Variants in PTPRD observed in about 807,000 individuals in gnomAD.
PTPRD encodes protein tyrosine phosphatase receptor type D.
In PTPRD, 34 loss-of-function variants were observed where a neutral mutation model predicts 214.5. The ratio of observed to expected loss-of-function variants is 0.16; its 90% CI spans 0.12 to 0.21. The LOEUF (loss-of-function observed/expected upper bound fraction) is 0.21. Ranked by LOEUF, PTPRD falls within the 10% of genes least tolerant of loss-of-function variation. The pLI is 1.00. For missense variants in PTPRD, 2,545 were observed against 2,398.7 expected (o/e 1.06, Z -1.27); for synonymous variants, 1,128 against 845.7 (o/e 1.33, Z -5.79).
At chr9:8,335,882 C>T (rs745616857) in intron 43 of PTPRD, among the ~76,000 whole-genome samples, 5 of 152,100 alleles carry the variant, frequency 3.3e-5, no homozygotes, top group Non-Finnish European at 5.9e-5. Context: ...TTCACAATTG[C>T]TTCAAAGAGA....
At chr9:9,429,590 A>C (rs1323861444) in intron 8 of PTPRD, among the ~76,000 whole-genome samples, 2 of 152,068 alleles carry the variant, frequency 1.3e-5, no homozygotes, top group African/African-American at 2.4e-5. Flanking sequence ...CTGGCAGAGA[A>C]AAAACAAAAA....
intron 2 of PTPRD, among the ~76,000 whole-genome samples, chr9:10,494,112 C>T (rs2041261554): frequency 6.6e-6 from 1 of 151,880 alleles, no homozygotes; most frequent in Admixed American, 6.6e-5. Flanking sequence ...GTGATTTATA[C>T]CTCCAACTCC....
At chr9:9,924,393 G>C (rs921137005) in intron 5 of PTPRD, among the ~76,000 whole-genome samples, 1 of 151,946 alleles carries the variant, frequency 6.6e-6, no homozygotes, top group South Asian at 2.1e-4. Context: ...CCATTATTCT[G>C]TTGCTGTTAT....
chr9:10,024,047 G>C (rs986593593), intron 4 of PTPRD, among the ~76,000 whole-genome samples: 3 of 151,884 alleles, frequency 2.0e-5, no homozygotes, highest in African/African-American at 7.3e-5. Context: ...ATTAACACTA[G>C]ATATATTTTC....
chr9:9,306,426 G>C (rs933238010), intron 9 of PTPRD, among the ~76,000 whole-genome samples: 7 of 150,704 alleles, frequency 4.6e-5, no homozygotes, highest in African/African-American at 1.5e-4. Context: ...AGCTGGGTGG[G>C]GTGTGGTCAC....
intron 11 of PTPRD, among the ~76,000 whole-genome samples, chr9:8,997,138 G>T (rs1396571505): frequency 6.6e-6 from 1 of 151,984 alleles, no homozygotes; most frequent in African/African-American, 2.4e-5. Context: ...GACAAACTGT[G>T]ACTAGCAAAT....
chr9:9,998,127 A>ATATATATATATATATATATATATATAT (rs1231969776), intron 4 of PTPRD, among the ~76,000 whole-genome samples: 14 of 55,170 alleles, frequency 2.5e-4, no homozygotes, highest in African/African-American at 9.4e-4. Flanking sequence ...AAAAAAAAAA[A>ATATATATATATATATATATATATATAT]AAATATATAT....
At chr9:10,218,016 C>A (rs902816432) in intron 3 of PTPRD, among the ~76,000 whole-genome samples, 10 of 151,686 alleles carry the variant, frequency 6.6e-5, no homozygotes, top group Admixed American at 5.9e-4. Flanking sequence ...GGGGTTAATT[C>A]TATTTTTCTG....
chr9:9,955,546 C>T (rs543224654), intron 4 of PTPRD, among the ~76,000 whole-genome samples: 26 of 143,094 alleles, frequency 1.8e-4, no homozygotes, highest in African/African-American at 6.8e-4. Flanking sequence ...TTTTTTGAGA[C>T]AGAGTCTCGC....
intron 2 of PTPRD, among the ~76,000 whole-genome samples, chr9:10,496,166 T>C (rs894618128): frequency 2.0e-5 from 3 of 151,848 alleles, no homozygotes; most frequent in African/African-American, 7.2e-5. Context: ...ATGGCTATAA[T>C]ATAAAAAATG....
At position 8,864,321 on chromosome 9, in the gene PTPRD, C is replaced by T. The variant is rs35964761; in HGVS notation, c.-103-130375G>A. Among the ~76,000 whole-genome samples, 547 of 152,320 alleles carry T rather than the reference C, an allele frequency of 3.6e-3. 5 individuals carry two copies. The highest frequency in any genetic ancestry group is 6.8e-3 in the Middle Eastern group (2 of 294). On this transcript the variant is annotated intron_variant, in intron 11 of 45. Transcript: ENST00000381196. ...TCATTTGCACAAGCCTGACTCTTAT[C>T]TCTCAAGACTCGGACATGCTTCAGG... is the stretch of plus-strand genomic sequence containing the variant.
intron 7 of PTPRD, among the ~76,000 whole-genome samples, chr9:9,700,833 G>C (rs752985429): frequency 6.6e-6 from 1 of 151,954 alleles, no homozygotes; most frequent in Non-Finnish European, 1.5e-5. Flanking sequence ...TAAGATTTTG[G>C]AATATAAAGA....
At chr9:9,608,684 C>T (rs2094336599) in intron 7 of PTPRD, among the ~76,000 whole-genome samples, 1 of 152,148 alleles carries the variant, frequency 6.6e-6, no homozygotes, top group African/African-American at 2.4e-5. Flanking sequence ...TTTGTCTCTG[C>T]ACCTACTCAG....
intron 5 of PTPRD, among the ~76,000 whole-genome samples, chr9:9,937,558 T>C (rs1041760013): frequency 6.6e-6 from 1 of 152,146 alleles, no homozygotes; most frequent in Non-Finnish European, 1.5e-5. Context: ...ATATTCCTAA[T>C]TATTTACTCA....
intron 2 of PTPRD, among the ~76,000 whole-genome samples, chr9:10,479,662 CA>C (rs1445324246): frequency 1.9e-5 from 1 of 52,596 alleles, no homozygotes. Context: ...AATAAATAAA[CA>C]AAAATACAAA....
At chr9:9,338,893 C>T (rs910142848) in intron 9 of PTPRD, among the ~76,000 whole-genome samples, 14 of 152,060 alleles carry the variant, frequency 9.2e-5, no homozygotes, top group Non-Finnish European at 1.6e-4. Flanking sequence ...CTCCCTGTGT[C>T]CATGTGTTCT....
At chr9:10,504,665 T>G (rs1230926816) in intron 2 of PTPRD, among the ~76,000 whole-genome samples, 1 of 152,194 alleles carries the variant, frequency 6.6e-6, no homozygotes, top group Non-Finnish European at 1.5e-5. Flanking sequence ...CACTTCCTTT[T>G]ATCAGCATTT....
intron 11 of PTPRD, among the ~76,000 whole-genome samples, chr9:8,992,010 G>A (rs2099371203): frequency 6.6e-6 from 1 of 152,128 alleles, no homozygotes. Flanking sequence ...TCTGGAAAGA[G>A]TTTGAGAGTG....
intron 10 of PTPRD, among the ~76,000 whole-genome samples, chr9:9,152,933 G>A (rs2099878127): frequency 1.3e-5 from 2 of 152,184 alleles, no homozygotes; most frequent in Non-Finnish European, 2.9e-5. Flanking sequence ...CTTTGGCCCA[G>A]TACTGACACA....
Sources: allele counts gnomAD v4.1 joint callset (sites outside exome capture counted in the v4.1 genomes callset), GRCh38; gene constraint gnomAD v4.1.1; transcripts MANE v1.5; gene names NCBI Gene and HGNC (gene_info 2026-07-23, HGNC 2026-07-21).